The following ENTPD1 variants were observed in gnomAD, a reference collection of about 807,000 sequenced individuals.
The protein encoded by ENTPD1 is ectonucleoside triphosphate diphosphohydrolase 1.
In ENTPD1, 33 loss-of-function variants were observed where a neutral mutation model predicts 57.0. The ratio of observed to expected loss-of-function variants is 0.58; its 90% CI spans 0.44 to 0.77. The LOEUF is 0.77. ENTPD1 is among the 30% of genes least tolerant of loss of function. The probability of loss-of-function intolerance (pLI) is 0.00; values close to 1 mark genes in which losing one functional copy is unlikely to be tolerated. For missense variants in ENTPD1, 501 were observed against 603.4 expected (o/e 0.83, Z 1.78); for synonymous variants, 202 against 218.8 (o/e 0.92, Z 0.68).
At chr10:95,763,355 G>T (rs1009813217) in intron 1 of ENTPD1, among the ~76,000 whole-genome samples, 1 of 152,116 alleles carries the variant, frequency 6.6e-6, no homozygotes, top group Non-Finnish European at 1.5e-5. Flanking sequence ...ACTTCTAAAA[G>T]ATTGTAAATG....
chr10:95,810,366 A>G (rs1221881637), intron 1 of ENTPD1, among the ~76,000 whole-genome samples: 24 of 124,488 alleles, frequency 1.9e-4, no homozygotes, highest in African/African-American at 3.1e-4. Context: ...CTCACCTCCC[A>G]GACAGGGCGG....
chr10:95,768,654 A>C (rs925869565), intron 1 of ENTPD1, among the ~76,000 whole-genome samples: 1 of 151,894 alleles, frequency 6.6e-6, no homozygotes, highest in African/African-American at 2.4e-5. Context: ...ACTTTCATTC[A>C]GTTACAGTGT....
intron 8 of ENTPD1, chr10:95,861,278 A>T (rs1164567643): frequency 1.3e-5 from 2 of 152,490 alleles, no homozygotes; most frequent in Non-Finnish European, 2.9e-5. Flanking sequence ...CTTATTCATA[A>T]ACTTGAAGCA....
At chr10:95,803,475 T>A (rs1043239394) in intron 1 of ENTPD1, among the ~76,000 whole-genome samples, 1 of 152,268 alleles carries the variant, frequency 6.6e-6, no homozygotes, top group Non-Finnish European at 1.5e-5. Context: ...TGAGCATTTT[T>A]TAATGTGTCT....
At chr10:95,857,779 C>T (rs1157615906) in intron 7 of ENTPD1, among the ~76,000 whole-genome samples, 1 of 152,198 alleles carries the variant, frequency 6.6e-6, no homozygotes, top group Non-Finnish European at 1.5e-5. Context: ...AAATTCCGCG[C>T]CTGCCATCAC....
At position 95,868,215 on chromosome 10, in the gene ENTPD1, T is replaced by C. The variant is rs941228954; in HGVS notation, c.*1832T>C. The C allele has an allele frequency of 7.1e-6, 7 of 985,368 alleles. No individual in the cohort carries two copies. The highest frequency in any genetic ancestry group is 5.2e-5 in the African/African-American group (3 of 57,260). 61.0% of individuals were successfully genotyped at this position (985,368 alleles called of 1,614,324 possible). ...CAAATGGCTGAGCCAAAGCCTACCATGTACCTAACCTTTATTTTCTTTCCC... is the reference window on the plus strand; with the variant it reads ...CAAATGGCTGAGCCAAAGCCTACCACGTACCTAACCTTTATTTTCTTTCCC... On this transcript the variant is annotated 3_prime_UTR_variant, in exon 10 of 10. Coordinates refer to ENST00000371205, the MANE Select transcript of ENTPD1 (RefSeq NM_001776.6).
Position 95,763,293 on chromosome 10 carries a change from G to A in ENTPD1, c.16+7038G>A, listed in dbSNP as rs547425365. 2.8e-4 allele frequency among the ~76,000 whole-genome samples: 42 copies of A among 152,060 alleles called. No individual in the cohort carries two copies. The South Asian group carries it at 5.0e-3, about 18-fold the overall frequency. ...ACACATTTTTATATGTGGTGTCATC[G>A]TTTTCTAAATAGTTTGACATCACAT... On this transcript the variant is annotated intron_variant, in intron 1 of 9. Transcript: ENST00000371205.
chr10:95,830,603 C>G (rs1013635862), intron 2 of ENTPD1, among the ~76,000 whole-genome samples: 1 of 151,956 alleles, frequency 6.6e-6, no homozygotes, highest in African/African-American at 2.4e-5. Flanking sequence ...GTCAGGAGTT[C>G]GACACCAGCC....
Position 95,874,747 on chromosome 10 carries a change from T to C in ENTPD1, c.*8364T>C, listed in dbSNP as rs2098484101. On this transcript the variant is annotated 3_prime_UTR_variant, in exon 10 of 10. Transcript: ENST00000371205. ...GCAAACTTTTGCCTGGACATCCAGG[T>C]GTTTCCATATATATTCTGAAATCTA... is the stretch of plus-strand genomic sequence containing the variant. Among the ~76,000 whole-genome samples, 2 of 152,222 alleles carry C rather than the reference T, an allele frequency of 1.3e-5. No homozygotes were observed.
In ENTPD1 at chr10:95,868,806, C is replaced by T. The variant is rs1359598767; in HGVS notation, c.*2423C>T. On this transcript the variant is annotated 3_prime_UTR_variant, in exon 10 of 10. Transcript: ENST00000371205. ...CTCCTTCAGAGAACACAAATCTTTT[C>T]TTATTCCATTCCTGTTTGGTTGCCT... is the stretch of plus-strand genomic sequence containing the variant. 5.1e-6 allele frequency: 5 copies of T among 985,228 alleles called. No homozygotes were observed. The highest frequency in any genetic ancestry group is 6.0e-6 in the Non-Finnish European group (5 of 829,940). 61.0% of individuals were successfully genotyped at this position (985,228 alleles called of 1,614,324 possible). A position where few individuals can be genotyped will look rare whatever the true frequency, so the allele number is the denominator to read the frequency against.
At chr10:95,769,740 C>T (rs1470706180) in intron 1 of ENTPD1, among the ~76,000 whole-genome samples, 1 of 152,120 alleles carries the variant, frequency 6.6e-6, no homozygotes, top group Non-Finnish European at 1.5e-5. Flanking sequence ...TGTCCATTTC[C>T]AGGTAGTAGC....
chr10:95,805,607 A>T (rs1356926282), intron 1 of ENTPD1, among the ~76,000 whole-genome samples: 2 of 152,140 alleles, frequency 1.3e-5, no homozygotes, highest in Non-Finnish European at 2.9e-5. Flanking sequence ...ACAATTTGGC[A>T]TGTTTTTGCA....
intron 1 of ENTPD1, chr10:95,712,077 CT>C: frequency 8.8e-6 from 14 of 1,589,648 alleles, no homozygotes; most frequent in Non-Finnish European, 1.1e-5. Flanking sequence ...CACTGTTTGT[CT>C]CATTTTCATC....
At chr10:95,841,599 T>A (rs1045841316) in intron 3 of ENTPD1, among the ~76,000 whole-genome samples, 5 of 152,248 alleles carry the variant, frequency 3.3e-5, no homozygotes, top group Admixed American at 6.5e-5. Flanking sequence ...ATGATCTGGA[T>A]AACTTATTTG....
upstream of ENTPD1, among the ~76,000 whole-genome samples, chr10:95,707,348 G>T (rs570601162): frequency 2.0e-5 from 3 of 152,156 alleles, no homozygotes; most frequent in Admixed American, 1.3e-4. Context: ...CCACAGTTTG[G>T]GGGGGCTGCA....
Position 95,867,015 on chromosome 10 carries a change from C to T in ENTPD1, c.*632C>T. The T allele has an allele frequency of 3.0e-6, 3 of 993,238 alleles. No homozygotes were observed. The highest frequency in any genetic ancestry group is 3.6e-6 in the Non-Finnish European group (3 of 834,170). The allele number at this position is 993,238 out of a possible 1,614,324, so 61.5% of individuals were successfully genotyped here. ...CCAAAGCAGGTATGTCAATAAATCACATATTCCTAGGTGATACCCAAATGC... is the reference window on the plus strand; with the variant it reads ...CCAAAGCAGGTATGTCAATAAATCATATATTCCTAGGTGATACCCAAATGC... On this transcript the variant is annotated 3_prime_UTR_variant, in exon 10 of 10. Coordinates refer to ENST00000371205, the MANE Select transcript of ENTPD1 (RefSeq NM_001776.6).
chr10:95,709,251 G>A (rs2097963714), upstream of ENTPD1, among the ~76,000 whole-genome samples: 1 of 152,120 alleles, frequency 6.6e-6, no homozygotes, highest in African/African-American at 2.4e-5. Flanking sequence ...ATTTGTGTGT[G>A]TGTATATTTA....
intron 1 of ENTPD1, among the ~76,000 whole-genome samples, chr10:95,739,452 A>C (rs1410667303): frequency 6.6e-6 from 1 of 152,240 alleles, no homozygotes; most frequent in Non-Finnish European, 1.5e-5. Context: ...TGTTCACTGC[A>C]TCTTCCCCAG....
chr10:95,798,853 A>G (rs944645261), intron 1 of ENTPD1, among the ~76,000 whole-genome samples: 8 of 152,182 alleles, frequency 5.3e-5, no homozygotes, highest in South Asian at 2.1e-4. Flanking sequence ...TGGAATTACT[A>G]TTGTCTGCAT....
Sources: allele counts gnomAD v4.1 joint callset (sites outside exome capture counted in the v4.1 genomes callset), GRCh38; gene constraint gnomAD v4.1.1; transcripts MANE v1.5; gene names NCBI Gene and HGNC (gene_info 2026-07-23, HGNC 2026-07-21).